TMEM108: variants seen among roughly 807,000 people sequenced by gnomAD.
TMEM108 encodes cancer/testis antigen 124.
Under a neutral mutation model 35.1 loss-of-function variants are expected in TMEM108, and 12 were observed. The ratio of observed to expected loss-of-function variants is 0.34; its 90% CI spans 0.22 to 0.55. The LOEUF is 0.55. Among genes scored for constraint, TMEM108 ranks in the 20% least tolerant of loss-of-function variants. The pLI, the probability that TMEM108 is intolerant of heterozygous loss-of-function variation, is 0.89. For synonymous variants in TMEM108, 287 were observed against 308.6 expected (o/e 0.93, Z 0.73); for missense variants, 680 against 753.3 (o/e 0.90, Z 1.14).
chr3:133,211,936 T>G (rs1945839381), intron 2 of TMEM108, among the ~76,000 whole-genome samples: 1 of 152,194 alleles, frequency 6.6e-6, no homozygotes, highest in Non-Finnish European at 1.5e-5. Context: ...TTTTATTTTA[T>G]TTTTTAGAAA....
intron 3 of TMEM108, among the ~76,000 whole-genome samples, chr3:133,326,842 A>G (rs904519597): frequency 6.6e-6 from 1 of 152,202 alleles, no homozygotes; most frequent in Admixed American, 6.5e-5. Flanking sequence ...TTATCTGTGA[A>G]ATAATATGTC....
intron 3 of TMEM108, among the ~76,000 whole-genome samples, chr3:133,321,387 A>G (rs1475339157): frequency 6.6e-6 from 1 of 152,186 alleles, no homozygotes; most frequent in Admixed American, 6.5e-5. Flanking sequence ...AGACAAAACA[A>G]ACTTTGAAGC....
At chr3:133,111,552 TGTGTGTG>T (rs1260073345) in intron 2 of TMEM108, among the ~76,000 whole-genome samples, 1 of 152,190 alleles carries the variant, frequency 6.6e-6, no homozygotes, top group African/African-American at 2.4e-5. Context: ...AGTCCTCAGA[TGTGTGTG>T]TATTCATATA....
At chr3:133,183,744 C>A (rs985656122) in intron 2 of TMEM108, among the ~76,000 whole-genome samples, 16 of 152,150 alleles carry the variant, frequency 1.1e-4, no homozygotes, top group African/African-American at 3.9e-4. Flanking sequence ...CAAGGCCCTT[C>A]AAGCCCAGGT....
At chr3:133,141,621 G>T (rs1268633228) in intron 2 of TMEM108, among the ~76,000 whole-genome samples, 1 of 152,128 alleles carries the variant, frequency 6.6e-6, no homozygotes, top group African/African-American at 2.4e-5. Flanking sequence ...GCCAGGGACT[G>T]ACCTGTGTGG....
chr3:133,079,208 G>C (rs1450541144), intron 2 of TMEM108, among the ~76,000 whole-genome samples: 3 of 152,144 alleles, frequency 2.0e-5, no homozygotes, highest in African/African-American at 7.2e-5. Flanking sequence ...ACCCTGGTCA[G>C]GTGAGATGGA....
chr3:133,257,667 C>T (rs1439824786), intron 3 of TMEM108, among the ~76,000 whole-genome samples: 1 of 152,176 alleles, frequency 6.6e-6, no homozygotes, highest in Non-Finnish European at 1.5e-5. Context: ...CTTCCTTCCC[C>T]ATCTTTGAGA....
chr3:133,340,614 AAAAC>A (rs1031362222), intron 3 of TMEM108, among the ~76,000 whole-genome samples: 4 of 151,772 alleles, frequency 2.6e-5, no homozygotes, highest in Non-Finnish European at 4.4e-5. Context: ...ACATCAAAAA[AAAAC>A]AAACAAAAAA....
chr3:133,111,706 T>C lies in TMEM108; in HGVS notation c.-47+65686T>C, dbSNP rs140327226. ...CAAAGAATACATGTAGACCCCCAAC[T>C]GTAGTCAACACATACACAAACACAT... On this transcript the variant is annotated intron_variant, in intron 2 of 5. Transcript: ENST00000321871. 2.0e-5 allele frequency among the ~76,000 whole-genome samples: 3 copies of C among 152,296 alleles called. No homozygotes were observed. In the East Asian group the frequency reaches 5.8e-4, roughly 29 times the overall value.
rs1253532049 is a variant in TMEM108, at chr3:133,396,954, T to G, written c.*968T>G. 1 of 152,132 alleles carries G rather than the reference T, an allele frequency of 6.6e-6. No homozygotes were observed. Among genetic ancestry groups the G allele is most frequent in the Non-Finnish European group, 1.5e-5 (1 of 68,020 alleles). 9.4% of individuals were successfully genotyped at this position (152,132 alleles called of 1,614,324 possible). The stretch of plus-strand genomic sequence containing the variant: ...TTTTTGAAACCTTCCTCCTGCAATC[T>G]TTAAAAAAGAAAAAAAAGATTGCCC... On this transcript the variant is annotated 3_prime_UTR_variant, in exon 6 of 6. Transcript: ENST00000321871.
chr3:133,224,004 G>C (rs1156473635), intron 2 of TMEM108, among the ~76,000 whole-genome samples: 1 of 152,146 alleles, frequency 6.6e-6, no homozygotes, highest in Non-Finnish European at 1.5e-5. Flanking sequence ...ACTGAATAAG[G>C]TGAACCTGTT....
At chr3:133,171,720 G>T (rs73860846) in intron 2 of TMEM108, among the ~76,000 whole-genome samples, 2,010 of 152,238 alleles carry the variant, frequency 0.013, 48 homozygotes, top group African/African-American at 0.046. Flanking sequence ...GCATGGGGCA[G>T]GAAGAAAAAG....
chr3:133,212,478 C>T (rs574745228), intron 2 of TMEM108, among the ~76,000 whole-genome samples: 1 of 152,312 alleles, frequency 6.6e-6, no homozygotes, highest in East Asian at 1.9e-4. Flanking sequence ...TGTACCCACA[C>T]TGTTGATCAT....
intron 3 of TMEM108, among the ~76,000 whole-genome samples, chr3:133,290,698 T>C (rs79287877): frequency 0.025 from 3,720 of 150,130 alleles, 136 homozygotes; most frequent in African/African-American, 0.085. Context: ...ATACAACAAA[T>C]AGGAAACTGA....
At chr3:133,124,722 G>A (rs1409312867) in intron 2 of TMEM108, 6 of 152,422 alleles carry the variant, frequency 3.9e-5, no homozygotes, top group Non-Finnish European at 5.9e-5. Context: ...CTTGCCAAAC[G>A]TCTGCCAGGC....
intron 3 of TMEM108, among the ~76,000 whole-genome samples, chr3:133,266,697 G>T (rs1252833146): frequency 6.6e-6 from 1 of 152,110 alleles, no homozygotes; most frequent in Non-Finnish European, 1.5e-5. Flanking sequence ...AGCAAGAACC[G>T]GAAATTAAAC....
intron 3 of TMEM108, among the ~76,000 whole-genome samples, chr3:133,265,256 T>G (rs1175468785): frequency 6.6e-6 from 1 of 152,224 alleles, no homozygotes; most frequent in African/African-American, 2.4e-5. Context: ...CAGACAGCTT[T>G]TGTTCCTGTC....
At chr3:133,061,922 G>T (rs1338823716) in intron 2 of TMEM108, among the ~76,000 whole-genome samples, 1 of 152,212 alleles carries the variant, frequency 6.6e-6, no homozygotes, top group African/African-American at 2.4e-5. Flanking sequence ...TGGGCATAAT[G>T]TGTAGACCTC....
intron 2 of TMEM108, among the ~76,000 whole-genome samples, chr3:133,167,990 T>C (rs1945069868): frequency 6.6e-6 from 1 of 152,208 alleles, no homozygotes; most frequent in Admixed American, 6.5e-5. Context: ...TTTCCTGTCA[T>C]GGCCTTACGT....
Sources: gnomAD v4.1 joint callset for allele counts (sites outside exome capture counted in the v4.1 genomes callset) on GRCh38, gnomAD v4.1.1 for gene constraint, MANE v1.5 for transcripts, NCBI Gene and HGNC (gene_info 2026-07-23, HGNC 2026-07-21) for gene names.